The following SCML4 variants were observed in gnomAD, a reference collection of about 807,000 sequenced individuals.
The protein encoded by SCML4 is sex comb on midleg-like protein 4.
In SCML4, 34 loss-of-function variants were observed where a neutral mutation model predicts 41.1. The observed-to-expected ratio is 0.83, with a 90% confidence interval of 0.63 to 1.10. The LOEUF is 1.10. Ranked by LOEUF, SCML4 falls within the 50% of genes least tolerant of loss-of-function variation. The pLI is 0.00. For synonymous variants in SCML4, 214 were observed against 220.9 expected, an observed-to-expected ratio of 0.97 and a Z score of 0.28; for missense variants, 522 against 534.1, an observed-to-expected ratio of 0.98 and a Z score of 0.22.
intron 1 of SCML4, among the ~76,000 whole-genome samples, chr6:107,795,680 A>G (rs1354784892): frequency 1.3e-5 from 2 of 152,100 alleles, no homozygotes; most frequent in African/African-American, 2.4e-5. Flanking sequence ...GGCGCGCACC[A>G]CCACACCTGG....
In SCML4 at chr6:107,704,259, T is replaced by C. The variant is rs1436589241; in HGVS notation, c.*941A>G. On this transcript the variant is annotated 3_prime_UTR_variant, in exon 8 of 8. Coordinates refer to ENST00000369020, the MANE Select transcript of SCML4 (RefSeq NM_198081.5). ...TTTTAAAGAAACACCCATGGCTAAA[T>C]GTCACTAAGATTCTTCGGCATGCCA... is the stretch of plus-strand genomic sequence containing the variant. 1 of 152,210 alleles carries C rather than the reference T, an allele frequency of 6.6e-6. No individual in the cohort carries two copies. Among genetic ancestry groups the C allele is most frequent in the Non-Finnish European group, 1.5e-5 (1 of 68,050 alleles). 9.4% of individuals were successfully genotyped at this position (152,210 alleles called of 1,614,324 possible). A position where few individuals can be genotyped will look rare whatever the true frequency, so the allele number is the denominator to read the frequency against.
At chr6:107,841,284 A>C in the SCML4 span, among the ~76,000 whole-genome samples, 1 of 152,272 alleles carries the variant, frequency 6.6e-6, no homozygotes, top group South Asian at 2.1e-4. Context: ...ACACTGGAAG[A>C]CCTCATTTCT....
At position 107,704,863 on chromosome 6, in the gene SCML4, C is replaced by CTCTCCTTGG. The variant is rs1773454432; in HGVS notation, c.*336_*337insCCAAGGAGA. ...AAAGGTCCTTCTTTCATCCTTTGAACCCTCCAGAACTCTCCTTGGGCATAA... is the reference window on the plus strand; with the variant it reads ...AAAGGTCCTTCTTTCATCCTTTGAACTCTCCTTGGCCTCCAGAACTCTCCTTGGGCATAA... On this transcript the variant is annotated 3_prime_UTR_variant, in exon 8 of 8. Coordinates refer to ENST00000369020, the MANE Select transcript of SCML4 (RefSeq NM_198081.5). The CTCTCCTTGG allele has an allele frequency of 2.9e-6, 1 of 339,060 alleles. No homozygotes were observed. The highest frequency in any genetic ancestry group is 4.8e-5 in the Admixed American group (1 of 20,980). 21.0% of individuals were successfully genotyped at this position (339,060 alleles called of 1,614,324 possible).
chr6:107,706,451 T>C (rs1340533782), intron 7 of SCML4, among the ~76,000 whole-genome samples: 3 of 152,284 alleles, frequency 2.0e-5, no homozygotes, highest in Non-Finnish European at 4.4e-5. Context: ...CTCCTAAGAT[T>C]GGAGAGCATG....
chr6:107,826,450 TG>T (rs1785264042), upstream of SCML4, among the ~76,000 whole-genome samples: 1 of 152,154 alleles, frequency 6.6e-6, no homozygotes. Context: ...GCACCTGGAA[TG>T]GGCTGAGACA....
chr6:107,787,929 G>C (rs549844015), intron 1 of SCML4, among the ~76,000 whole-genome samples: 7 of 152,304 alleles, frequency 4.6e-5, no homozygotes, highest in African/African-American at 1.7e-4. Flanking sequence ...AAAACACTTT[G>C]TTACTGCTAT....
intron 2 of SCML4, among the ~76,000 whole-genome samples, chr6:107,766,357 G>A (rs185486947): frequency 9.0e-5 from 13 of 144,556 alleles, no homozygotes; most frequent in African/African-American, 3.4e-4. Context: ...GCAATAATGT[G>A]AGACTCCGTC....
At chr6:107,821,730 T>C (rs1784958596) in intron 1 of SCML4, among the ~76,000 whole-genome samples, 1 of 152,180 alleles carries the variant, frequency 6.6e-6, no homozygotes, top group South Asian at 2.1e-4. Flanking sequence ...CCCGGCTCCC[T>C]GGCATCTACC....
At chr6:107,718,167 C>A (rs577288972) in intron 6 of SCML4, among the ~76,000 whole-genome samples, 24 of 152,190 alleles carry the variant, frequency 1.6e-4, no homozygotes, top group Non-Finnish European at 2.8e-4. Context: ...CAAATCTCAC[C>A]TTGAATTGTA....
At chr6:107,751,573 TC>T (rs1778630795) in intron 2 of SCML4, among the ~76,000 whole-genome samples, 2 of 23,630 alleles carry the variant, frequency 8.5e-5, no homozygotes. Context: ...ATTTTAACAA[TC>T]TTTCTTTCTT....
chr6:107,845,220 A>T, the SCML4 span, among the ~76,000 whole-genome samples: 8 of 151,950 alleles, frequency 5.3e-5, no homozygotes, highest in Non-Finnish European at 1.0e-4. Flanking sequence ...CGGGCGACAG[A>T]GCTAGAAAAC....
At chr6:107,722,186 A>T (rs537336630) in intron 5 of SCML4, among the ~76,000 whole-genome samples, 3 of 151,774 alleles carry the variant, frequency 2.0e-5, no homozygotes, top group Non-Finnish European at 2.9e-5. Flanking sequence ...CATGTTGGCC[A>T]GGCTGGTCTC....
chr6:107,841,865 T>C, the SCML4 span, among the ~76,000 whole-genome samples: 1 of 152,220 alleles, frequency 6.6e-6, no homozygotes, highest in Non-Finnish European at 1.5e-5. Flanking sequence ...TCACTGATTT[T>C]TGTAGAGACT....
intron 5 of SCML4, among the ~76,000 whole-genome samples, chr6:107,732,817 T>C (rs181857829): frequency 2.2e-4 from 33 of 152,318 alleles, no homozygotes; most frequent in Non-Finnish European, 2.8e-4. Flanking sequence ...CACAATTTTT[T>C]GGTCTTTCAT....
intron 1 of SCML4, among the ~76,000 whole-genome samples, chr6:107,820,660 C>CAATT (rs1246441256): frequency 1.3e-5 from 2 of 152,096 alleles, no homozygotes; most frequent in Non-Finnish European, 2.9e-5. Flanking sequence ...GAAACCAAGA[C>CAATT]GAGTGCAACA....
At chr6:107,718,191 G>A (rs1050335008) in intron 6 of SCML4, among the ~76,000 whole-genome samples, 1 of 152,204 alleles carries the variant, frequency 6.6e-6, no homozygotes, top group Non-Finnish European at 1.5e-5. Context: ...ATCCCCATGT[G>A]TCAAGGATGG....
the SCML4 span, among the ~76,000 whole-genome samples, chr6:107,830,317 T>C: frequency 6.6e-6 from 1 of 152,228 alleles, no homozygotes; most frequent in Non-Finnish European, 1.5e-5. Context: ...TCTGGGCCTG[T>C]GACCCTGGCT....
chr6:107,763,953 A>G (rs1779831712), intron 2 of SCML4, among the ~76,000 whole-genome samples: 1 of 152,224 alleles, frequency 6.6e-6, no homozygotes, highest in African/African-American at 2.4e-5. Flanking sequence ...AGCTTTGTCC[A>G]TGTCCCTGCC....
intron 6 of SCML4, among the ~76,000 whole-genome samples, chr6:107,714,658 T>C (rs1157658507): frequency 2.0e-5 from 3 of 152,232 alleles, no homozygotes; most frequent in Admixed American, 2.0e-4. Flanking sequence ...AAGTCTCTGC[T>C]GGCTAGGACC....
Sources: gnomAD v4.1 joint callset for allele counts (sites outside exome capture counted in the v4.1 genomes callset) on GRCh38, gnomAD v4.1.1 for gene constraint, MANE v1.5 for transcripts, NCBI Gene and HGNC (gene_info 2026-07-23, HGNC 2026-07-21) for gene names.